The following MYO18B variants were observed in gnomAD, a reference collection of about 807,000 sequenced individuals.
MYO18B encodes the protein unconventional myosin-XVIIIb.
In MYO18B, 204 loss-of-function variants were observed where a neutral mutation model predicts 273.0. The ratio of observed to expected loss-of-function variants is 0.75; its 90% CI spans 0.67 to 0.84. The LOEUF is 0.84. Among genes scored for constraint, MYO18B ranks in the 40% least tolerant of loss-of-function variants. The pLI, the probability that MYO18B is intolerant of heterozygous loss-of-function variation, is 0.00. For missense variants in MYO18B, 3,212 were observed against 3,287.6 expected, an observed-to-expected ratio of 0.98 and a Z score of 0.56; for synonymous variants, 1,330 against 1,305.7, an observed-to-expected ratio of 1.02 and a Z score of -0.40.
intron 42 of MYO18B, among the ~76,000 whole-genome samples, chr22:26,005,885 C>T (rs971105665): frequency 2.0e-5 from 3 of 152,136 alleles, no homozygotes; most frequent in African/African-American, 7.2e-5. Flanking sequence ...TAATCTTAGG[C>T]TGAAAGACTT....
chr22:25,806,133 A>T (rs5761224), intron 12 of MYO18B, among the ~76,000 whole-genome samples: 10,009 of 152,160 alleles, frequency 0.066, 575 homozygotes, highest in East Asian at 0.21. Flanking sequence ...GAGCCATGTG[A>T]CTTCTTGGCA....
At chr22:25,745,112 A>C (rs531967158) in intron 1 of MYO18B, among the ~76,000 whole-genome samples, 1 of 152,184 alleles carries the variant, frequency 6.6e-6, no homozygotes, top group Non-Finnish European at 1.5e-5. Context: ...ATTGCGTCTT[A>C]TTTTATTTTT....
intron 12 of MYO18B, among the ~76,000 whole-genome samples, chr22:25,820,857 A>G (rs1275037517): frequency 6.6e-6 from 1 of 152,022 alleles, no homozygotes; most frequent in Non-Finnish European, 1.5e-5. Flanking sequence ...CCCAGCCTCT[A>G]GTATGCTCTA....
chr22:25,772,338 A>G lies in MYO18B; in HGVS notation c.1697A>G (p.Asn566Ser). Residue 566 changes from asparagine to serine, a missense_variant, in exon 7 of 44, where the codon AAC becomes AGC. Transcript: ENST00000335473. ...EVDEEHVHRANPPELDQVEDL... is the reference protein window; with the variant it reads ...EVDEEHVHRASPPELDQVEDL... The stretch of plus-strand genomic sequence containing the variant: ...CTCTGTGTGATGGTTTCACAGGCCA[A>G]CCCTCCTGAGCTGGACCAGGTCGAG... 3 of 1,613,202 alleles carry G rather than the reference A, an allele frequency of 1.9e-6. No individual in the cohort carries two copies. Among genetic ancestry groups the G allele is most frequent in the South Asian group, 1.1e-5 (1 of 91,012 alleles).
At chr22:25,934,158 TG>T (rs1253878760) in intron 34 of MYO18B, among the ~76,000 whole-genome samples, 1 of 152,248 alleles carries the variant, frequency 6.6e-6, no homozygotes, top group Non-Finnish European at 1.5e-5. Context: ...TCTGTTGGGT[TG>T]TTTGTATTTT....
At chr22:26,047,254 G>A in the MYO18B span, among the ~76,000 whole-genome samples, 2 of 151,786 alleles carry the variant, frequency 1.3e-5, no homozygotes, top group East Asian at 3.9e-4. Flanking sequence ...AGCTTGCTGA[G>A]TAGCTGGGAC....
chr22:26,016,277 T>C (rs959492203), intron 42 of MYO18B, among the ~76,000 whole-genome samples: 1 of 152,254 alleles, frequency 6.6e-6, no homozygotes, highest in African/African-American at 2.4e-5. Flanking sequence ...ACTCGAGTTG[T>C]AGAGCCAGTA....
At chr22:25,885,286 C>G (rs1379607207) in intron 25 of MYO18B, among the ~76,000 whole-genome samples, 2 of 152,180 alleles carry the variant, frequency 1.3e-5, no homozygotes, top group East Asian at 3.9e-4. Context: ...AGTGATTTGT[C>G]CTACATCACT....
intron 12 of MYO18B, among the ~76,000 whole-genome samples, chr22:25,801,543 C>T (rs1477858514): frequency 6.6e-6 from 1 of 152,180 alleles, no homozygotes; most frequent in African/African-American, 2.4e-5. Context: ...GTGGCAAAAA[C>T]TGTGGTACAC....
chr22:25,927,047 C>T (rs1006810647), intron 34 of MYO18B, among the ~76,000 whole-genome samples: 6 of 152,176 alleles, frequency 3.9e-5, no homozygotes, highest in African/African-American at 7.2e-5. Context: ...ATCTCTTAAT[C>T]CTGTCAGCTG....
At chr22:25,931,292 A>T (rs956169936) in intron 34 of MYO18B, among the ~76,000 whole-genome samples, 1 of 152,352 alleles carries the variant, frequency 6.6e-6, no homozygotes, top group South Asian at 2.1e-4. Flanking sequence ...TGATGAATGA[A>T]GTGGGAAGAG....
At chr22:25,914,312 T>C (rs1012352509) in intron 33 of MYO18B, among the ~76,000 whole-genome samples, 1 of 152,248 alleles carries the variant, frequency 6.6e-6, no homozygotes, top group Non-Finnish European at 1.5e-5. Context: ...ATTGCATTGA[T>C]TTACAAGTTA....
chr22:25,947,151 A>G (rs1162467859), intron 35 of MYO18B, among the ~76,000 whole-genome samples: 1 of 151,984 alleles, frequency 6.6e-6, no homozygotes, highest in East Asian at 1.9e-4. Context: ...GCACACGTGT[A>G]TACACAGGAA....
intron 21 of MYO18B, among the ~76,000 whole-genome samples, chr22:25,852,396 A>AATGC (rs2090451377): frequency 7.8e-5 from 1 of 12,750 alleles, no homozygotes; most frequent in Non-Finnish European, 1.9e-4. Flanking sequence ...TTGTTGAGTT[A>AATGC]ATGAATGAAT....
intron 11 of MYO18B, among the ~76,000 whole-genome samples, chr22:25,797,208 A>G (rs1162232975): frequency 1.3e-5 from 2 of 152,232 alleles, no homozygotes; most frequent in Admixed American, 6.5e-5. Flanking sequence ...AGCCTGGGCA[A>G]CAGAGCGAGA....
At chr22:26,015,194 T>C (rs979571228) in intron 42 of MYO18B, among the ~76,000 whole-genome samples, 2 of 152,248 alleles carry the variant, frequency 1.3e-5, no homozygotes, top group Non-Finnish European at 2.9e-5. Context: ...TTTTGGCTTT[T>C]ACATTTAAGT....
chr22:25,763,392 A>G lies in MYO18B; in HGVS notation c.198+3A>G. 1 of 1,606,506 alleles carries G rather than the reference A, an allele frequency of 6.2e-7. No individual in the cohort carries two copies. Among genetic ancestry groups the G allele is most frequent in the East Asian group, 2.2e-5 (1 of 44,806 alleles). ...CTGTCGCCTCTCCAGAACGAGAGGTAAGTGGTTCCTAAGAAGGAGGACCGT... is the reference window on the plus strand; with the variant it reads ...CTGTCGCCTCTCCAGAACGAGAGGTGAGTGGTTCCTAAGAAGGAGGACCGT... On this transcript the variant is annotated splice_donor_region_variant and intron_variant, in intron 3 of 43. Coordinates refer to ENST00000335473, the MANE Select transcript of MYO18B (RefSeq NM_032608.7).
chr22:26,000,453 C>A (rs1450759169), intron 40 of MYO18B, among the ~76,000 whole-genome samples: 1 of 152,080 alleles, frequency 6.6e-6, no homozygotes, highest in Non-Finnish European at 1.5e-5. Flanking sequence ...TATACAAACT[C>A]AAGTACTTTC....
chr22:25,905,734 C>T (rs79063191), intron 31 of MYO18B, among the ~76,000 whole-genome samples: 8 of 152,278 alleles, frequency 5.3e-5, no homozygotes, highest in Non-Finnish European at 8.8e-5. Context: ...CTCCAGACAT[C>T]AGTCTCCTTA....
Sources: allele counts gnomAD v4.1 joint callset (sites outside exome capture counted in the v4.1 genomes callset), GRCh38; gene constraint gnomAD v4.1.1; transcripts MANE v1.5; gene names NCBI Gene and HGNC (gene_info 2026-07-23, HGNC 2026-07-21).